Variants in NFAT5 observed in about 807,000 individuals in gnomAD.
NFAT5 encodes nuclear factor of activated T-cells 5.
Under a neutral mutation model 166.5 loss-of-function variants are expected in NFAT5, and 31 were observed. The ratio of observed to expected loss-of-function variants is 0.19; its 90% CI spans 0.14 to 0.25. The LOEUF is 0.25. Among genes scored for constraint, NFAT5 ranks in the 10% least tolerant of loss-of-function variants. The pLI is 1.00. For synonymous variants in NFAT5, 612 were observed against 639.7 expected (o/e 0.96, Z 0.65); for missense variants, 1,449 against 1,821.8 (o/e 0.80, Z 3.72).
intron 9 of NFAT5, among the ~76,000 whole-genome samples, chr16:69,675,109 T>G (rs1035751389): frequency 1.3e-5 from 2 of 152,214 alleles, no homozygotes; most frequent in African/African-American, 4.8e-5. Context: ...GTTTGAAGAA[T>G]TAGTAGCAAA....
chr16:69,658,735 G>A (rs117573621), intron 6 of NFAT5, among the ~76,000 whole-genome samples: 9,005 of 152,232 alleles, frequency 0.059, 288 homozygotes, highest in Middle Eastern at 0.11. Flanking sequence ...GCTGAGGCAT[G>A]AGAATTACCT....
chr16:69,682,999 G>A (rs936858323), intron 10 of NFAT5, among the ~76,000 whole-genome samples: 2 of 151,954 alleles, frequency 1.3e-5, no homozygotes, highest in African/African-American at 2.4e-5. Flanking sequence ...ATCACCTGAG[G>A]TCAGAAGTTA....
Position 69,698,061 on chromosome 16 carries a change from TTGAA to T in NFAT5, c.*1713_*1716del, listed in dbSNP as rs2037819391. 1.3e-5 allele frequency: 2 copies of T among 152,438 alleles called. No homozygotes were observed. The highest frequency in any genetic ancestry group is 6.6e-5 in the Admixed American group (1 of 15,266). 9.4% of individuals were successfully genotyped at this position (152,438 alleles called of 1,614,324 possible). The stretch of plus-strand genomic sequence containing the variant: ...TTTTGTGATGATCTTCCTTTGTTCT[TTGAA>T]TGTGCTCTTTTGTCTTTTTCTCTTT... On this transcript the variant is annotated 3_prime_UTR_variant, in exon 15 of 15. Transcript: ENST00000349945.
At chr16:69,583,106 A>G (rs551148756) in intron 2 of NFAT5, among the ~76,000 whole-genome samples, 4 of 151,898 alleles carry the variant, frequency 2.6e-5, no homozygotes, top group South Asian at 4.1e-4. Flanking sequence ...AGTGTTAATA[A>G]AATTATGGAA....
In NFAT5 at chr16:69,566,405, G is replaced by A; in HGVS notation, c.73+31G>A. 6.7e-7 allele frequency: 1 copy of A among 1,490,192 alleles called. No individual in the cohort carries two copies. 92.3% of individuals were successfully genotyped at this position (1,490,192 alleles called of 1,614,324 possible). On this transcript the variant is annotated intron_variant, in intron 1 of 14. Coordinates refer to ENST00000349945, the MANE Select transcript of NFAT5 (RefSeq NM_138713.4). This position sits in a 1 kb window ranked among gnomAD's most constrained non-coding sequence, Gnocchi z 5.7. Reference sequence around the variant, plus strand: ...TCAGGCTGTGGGGGGTGGGGCGTGGGGGCGGGGAGACAGGGAGACAGGGAG... The same window carrying A: ...TCAGGCTGTGGGGGGTGGGGCGTGGAGGCGGGGAGACAGGGAGACAGGGAG...
chr16:69,668,480 C>G (rs541646675), intron 7 of NFAT5, among the ~76,000 whole-genome samples: 1 of 152,170 alleles, frequency 6.6e-6, no homozygotes, highest in Non-Finnish European at 1.5e-5. Flanking sequence ...GAATGGTACC[C>G]AAGTGTAAAC....
intron 2 of NFAT5, among the ~76,000 whole-genome samples, chr16:69,571,892 T>A (rs2016461555): frequency 6.6e-6 from 1 of 152,118 alleles, no homozygotes; most frequent in South Asian, 2.1e-4. Flanking sequence ...CCTGAGTAGC[T>A]GGGACTACAG....
At chr16:69,690,242 A>G (rs1396798938) in intron 11 of NFAT5, among the ~76,000 whole-genome samples, 1 of 152,182 alleles carries the variant, frequency 6.6e-6, no homozygotes, top group Non-Finnish European at 1.5e-5. Flanking sequence ...AAATGGAGGT[A>G]GTAGGAGGTG....
At chr16:69,568,865 C>G (rs2016268967) in intron 2 of NFAT5, among the ~76,000 whole-genome samples, 1 of 152,054 alleles carries the variant, frequency 6.6e-6, no homozygotes, top group African/African-American at 2.4e-5. Context: ...TGAAAAGGCC[C>G]AAACATTAAC....
At position 69,698,268 on chromosome 16, in the gene NFAT5, T is replaced by C. The variant is rs2037826412; in HGVS notation, c.*1917T>C. On this transcript the variant is annotated 3_prime_UTR_variant, in exon 15 of 15. Coordinates refer to ENST00000349945, the MANE Select transcript of NFAT5 (RefSeq NM_138713.4). ...ATACAGTTTTCAATCGTTCAAGTTTTGGATGGTTTATATCTAATGTGTGTT... is the reference window on the plus strand; with the variant it reads ...ATACAGTTTTCAATCGTTCAAGTTTCGGATGGTTTATATCTAATGTGTGTT... 6.6e-6 allele frequency: 1 copy of C among 152,550 alleles called. No homozygotes were observed. Among genetic ancestry groups the C allele is most frequent in the Admixed American group, 6.5e-5 (1 of 15,270 alleles). 9.4% of individuals were successfully genotyped at this position (152,550 alleles called of 1,614,324 possible).
chr16:69,577,130 G>A (rs944799625), intron 2 of NFAT5, among the ~76,000 whole-genome samples: 8 of 152,026 alleles, frequency 5.3e-5, no homozygotes, highest in Admixed American at 2.6e-4. Context: ...CTTTCACCCC[G>A]TGTATCCGTT....
At position 69,684,877 on chromosome 16, in the gene NFAT5, T is replaced by A. The variant is rs1384408211; in HGVS notation, c.1691-10T>A. The A allele has an allele frequency of 6.3e-7, 1 of 1,584,466 alleles. No individual in the cohort carries two copies. The highest frequency in any genetic ancestry group is 1.8e-5 in the Admixed American group (1 of 56,084). ...AATGTAGATAAATACATTAATCTTT[T>A]TTTTAATAGCAGCAGCTGGTGCTTT... is the stretch of plus-strand genomic sequence containing the variant. On this transcript the variant is annotated splice_polypyrimidine_tract_variant and intron_variant, in intron 10 of 14. Coordinates refer to ENST00000349945, the MANE Select transcript of NFAT5 (RefSeq NM_138713.4).
At position 69,670,098 on chromosome 16, in the gene NFAT5, A is replaced by G; in HGVS notation, c.1491A>G (p.Gln497=). The part of the protein sequence containing the change: ...NFLKGTKVIF[Q]ENVSDENSWK... ...TGAAAGGAACTAAAGTTATTTTCCA[A>G]GAAAATGTTTCTGGTAAGTACGCAT... Residue 497 remains glutamine (Q), a synonymous_variant, in exon 8 of 15, where the codon CAA becomes CAG. Coordinates refer to ENST00000349945, the MANE Select transcript of NFAT5 (RefSeq NM_138713.4). The G allele has an allele frequency of 1.2e-6, 2 of 1,611,176 alleles. No individual in the cohort carries two copies. The highest frequency in any genetic ancestry group is 1.1e-5 in the South Asian group (1 of 90,248).
chr16:69,634,859 T>C (rs1364499542), intron 3 of NFAT5, among the ~76,000 whole-genome samples: 1 of 152,154 alleles, frequency 6.6e-6, no homozygotes, highest in Admixed American at 6.6e-5. Flanking sequence ...TTAAATAAAT[T>C]TCTAATAATA....
chr16:69,665,386 T>A (rs1276687017), intron 7 of NFAT5, among the ~76,000 whole-genome samples: 2 of 128,446 alleles, frequency 1.6e-5, no homozygotes, highest in East Asian at 4.5e-4. Context: ...ATTGTCCCTG[T>A]TTGCAGACGA....
intron 2 of NFAT5, among the ~76,000 whole-genome samples, chr16:69,577,148 G>A (rs1363554660): frequency 2.0e-5 from 3 of 151,918 alleles, no homozygotes; most frequent in Admixed American, 6.6e-5. Context: ...GTTTTCTCAC[G>A]GTAGTCTATA....
At chr16:69,595,573 C>A (rs2032744867) in intron 2 of NFAT5, among the ~76,000 whole-genome samples, 1 of 152,180 alleles carries the variant, frequency 6.6e-6, no homozygotes, top group Admixed American at 6.5e-5. Context: ...GTAACTTTTG[C>A]TGTTTGAGGT....
intron 10 of NFAT5, among the ~76,000 whole-genome samples, chr16:69,678,088 G>T (rs1043724069): frequency 1.3e-5 from 2 of 151,892 alleles, no homozygotes; most frequent in African/African-American, 2.4e-5. Context: ...AACCTGGGAG[G>T]TACAGGTTGC....
intron 2 of NFAT5, among the ~76,000 whole-genome samples, chr16:69,571,698 A>ATT (rs200781863): frequency 6.8e-6 from 1 of 148,140 alleles, no homozygotes; most frequent in African/African-American, 2.5e-5. Context: ...CCAAATTTAA[A>ATT]TTTTTTTTTT....
Sources: allele counts gnomAD v4.1 joint callset (sites outside exome capture counted in the v4.1 genomes callset), GRCh38; gene constraint gnomAD v4.1.1; non-coding constraint Gnocchi (gnomAD v3.1); transcripts MANE v1.5; gene names NCBI Gene and HGNC (gene_info 2026-07-23, HGNC 2026-07-21).